Variants in SCN8A observed in about 807,000 individuals in gnomAD.
SCN8A encodes sodium channel protein type 8 subunit alpha.
SCN8A carries 30 observed loss-of-function variants against 184.1 expected under a neutral mutation model. That is an observed-to-expected ratio of 0.16 (90% CI 0.12 to 0.22). The LOEUF is 0.22. Ranked by LOEUF, SCN8A falls within the 10% of genes least tolerant of loss-of-function variation. The pLI is 1.00. For missense variants in SCN8A, 1,057 were observed against 2,498.9 expected, an observed-to-expected ratio of 0.42 and a Z score of 12.30; for synonymous variants, 852 against 907.0, an observed-to-expected ratio of 0.94 and a Z score of 1.09.
chr12:51,786,121 T>C (rs561658138), intron 21 of SCN8A, among the ~76,000 whole-genome samples: 1 of 152,326 alleles, frequency 6.6e-6, no homozygotes, highest in African/African-American at 2.4e-5. Flanking sequence ...TCTCTGTGAT[T>C]TTGAACAATT....
At chr12:51,598,741 A>G (rs1939400327) in intron 1 of SCN8A, among the ~76,000 whole-genome samples, 1 of 152,100 alleles carries the variant, frequency 6.6e-6, no homozygotes, top group African/African-American at 2.4e-5. Flanking sequence ...TACTGTTACT[A>G]ATTTCTCTTG....
chr12:51,721,853 T>TGGTGTCCCTCATCGGCGGCCCCGGC lies in SCN8A; in HGVS notation c.1944_1968dup (p.Ser657GlyfsTer22). The TGGTGTCCCTCATCGGCGGCCCCGGC allele has an allele frequency of 6.2e-7, 1 of 1,603,880 alleles. No individual in the cohort carries two copies. The highest frequency in any genetic ancestry group is 8.5e-7 in the Non-Finnish European group (1 of 1,179,810). ...AACAGCACGGTGGACTGCAACGGCG[T>TGGTGTCCCTCATCGGCGGCCCCGGC]GGTGTCCCTCATCGGCGGCCCCGGC... On this transcript the variant is annotated frameshift_variant, in exon 12 of 27. Transcript: ENST00000627620. LOFTEE classifies it high-confidence loss of function.
intron 21 of SCN8A, among the ~76,000 whole-genome samples, chr12:51,782,827 T>A: frequency 6.6e-6 from 1 of 152,218 alleles, no homozygotes; most frequent in East Asian, 1.9e-4. Flanking sequence ...GTACCTTTCC[T>A]GGACCCTCAG....
rs780849012 is a variant in SCN8A at position 51,699,821 on chromosome 12, A to G, written c.928+30A>G. 8 of 1,565,594 alleles carry G rather than the reference A, an allele frequency of 5.1e-6. No individual in the cohort carries two copies. In the African/African-American group the frequency reaches 5.4e-5, roughly 11 times the overall value. On this transcript the variant is annotated intron_variant, in intron 7 of 26. Coordinates refer to ENST00000627620, the MANE Select transcript of SCN8A (RefSeq NM_001330260.2). The stretch of plus-strand genomic sequence containing the variant: ...GTGGCCTCTTCTCTGCAAGAGGAAT[A>G]GGAAAAGTCTATTCCTAGTTCACAT...
chr12:51,636,712 A>G (rs904661010), intron 1 of SCN8A, among the ~76,000 whole-genome samples: 1 of 152,212 alleles, frequency 6.6e-6, no homozygotes, highest in Non-Finnish European at 1.5e-5. Context: ...CATTTATGCC[A>G]CAAACAACTA....
chr12:51,667,550 T>C (rs1941056163), intron 2 of SCN8A, among the ~76,000 whole-genome samples: 1 of 151,994 alleles, frequency 6.6e-6, no homozygotes, highest in Admixed American at 6.5e-5. Flanking sequence ...TTAAAAGTTT[T>C]TCTTGTTTAG....
At position 51,661,061 on chromosome 12, in the gene SCN8A, G is replaced by A. The variant is rs148605851; in HGVS notation, c.-54-1703G>A. Among the ~76,000 whole-genome samples the A allele has an allele frequency of 8.1e-4, 124 of 152,216 alleles. No homozygotes were observed. The Middle Eastern group carries it at 0.02, about 25-fold the overall frequency. On this transcript the variant is annotated intron_variant, in intron 1 of 26. Transcript: ENST00000627620. The stretch of plus-strand genomic sequence containing the variant: ...GGAGTAGTGGGACATAGCAAAGGAG[G>A]ATAAATAACTGATATTTATTATAAT...
chr12:51,764,781 T>C (rs1320770131), intron 15 of SCN8A, among the ~76,000 whole-genome samples: 1 of 151,698 alleles, frequency 6.6e-6, no homozygotes, highest in Non-Finnish European at 1.5e-5. Context: ...CTTTTCTTTT[T>C]TTTTTTTTTC....
At chr12:51,654,289 C>A (rs1940777707) in intron 1 of SCN8A, among the ~76,000 whole-genome samples, 1 of 152,052 alleles carries the variant, frequency 6.6e-6, no homozygotes, top group Non-Finnish European at 1.5e-5. Context: ...TGAAGCTTTT[C>A]CTCTATATTT....
At chr12:51,771,663 G>A (rs1371130876) in intron 19 of SCN8A, among the ~76,000 whole-genome samples, 2 of 152,110 alleles carry the variant, frequency 1.3e-5, no homozygotes, top group African/African-American at 4.8e-5. Flanking sequence ...AAAGTAGGAG[G>A]CAAAAAAGAT....
chr12:51,687,798 T>G (rs567096918), intron 5 of SCN8A, among the ~76,000 whole-genome samples: 38 of 152,320 alleles, frequency 2.5e-4, no homozygotes, highest in Non-Finnish European at 4.3e-4. Flanking sequence ...CTCATTTGTG[T>G]TGTTTTAGCA....
At chr12:51,755,628 T>G (rs500015) in intron 14 of SCN8A, among the ~76,000 whole-genome samples, 18 of 150,070 alleles carry the variant, frequency 1.2e-4, no homozygotes, top group East Asian at 9.7e-4. Context: ...AATAGAAAAC[T>G]AAAAAAAAAG....
intron 12 of SCN8A, chr12:51,722,119 T>G: frequency 1.4e-6 from 1 of 708,676 alleles, no homozygotes; most frequent in Non-Finnish European, 2.3e-6. Context: ...GTTTTCCCCC[T>G]ATTACTCACC....
At chr12:51,669,293 C>T (rs1002665379) in intron 2 of SCN8A, among the ~76,000 whole-genome samples, 9 of 151,958 alleles carry the variant, frequency 5.9e-5, no homozygotes, top group Admixed American at 2.0e-4. Flanking sequence ...GTTTTAGTTC[C>T]GGCTTTGCTT....
At chr12:51,700,778 A>G (rs1941674314) in intron 7 of SCN8A, among the ~76,000 whole-genome samples, 2 of 152,248 alleles carry the variant, frequency 1.3e-5, no homozygotes. Context: ...TATCTTTGAT[A>G]AAGACACGTT....
In SCN8A at chr12:51,732,484, A is replaced by G. The variant is rs146240009; in HGVS notation, c.1998+10576A>G. On this transcript the variant is annotated intron_variant, in intron 12 of 26. Coordinates refer to ENST00000627620, the MANE Select transcript of SCN8A (RefSeq NM_001330260.2). ...TCTGGTTACTATAGCTCCGTTGTAT[A>G]ATTTAAAATCAAGTAATGTGATTCC... is the stretch of plus-strand genomic sequence containing the variant. 6.2e-3 allele frequency among the ~76,000 whole-genome samples: 948 copies of G among 152,254 alleles called. 8 individuals are homozygous for G. The highest frequency in any genetic ancestry group is 0.02 in the African/African-American group (818 of 41,534).
intron 1 of SCN8A, 42 bp from the exon 2 acceptor site, chr12:51,662,722 G>A: frequency 1.6e-6 from 2 of 1,234,734 alleles, no homozygotes; most frequent in Non-Finnish European, 1.1e-6. Context: ...TCTTTTTAGA[G>A]CAGTGATTGA....
At chr12:51,592,732 GT>G (rs1939256036) in intron 1 of SCN8A, among the ~76,000 whole-genome samples, 1 of 151,954 alleles carries the variant, frequency 6.6e-6, no homozygotes, top group Admixed American at 6.6e-5. Flanking sequence ...GGCCATGGGG[GT>G]AAAGGGGGAG....
chr12:51,729,885 GC>G (rs1424608530), intron 12 of SCN8A, among the ~76,000 whole-genome samples: 7 of 152,102 alleles, frequency 4.6e-5, no homozygotes, highest in African/African-American at 1.7e-4. Flanking sequence ...GTTTTATTGT[GC>G]CATTAATTTG....
Sources: allele counts gnomAD v4.1 joint callset (sites outside exome capture counted in the v4.1 genomes callset), GRCh38; gene constraint gnomAD v4.1.1; transcripts MANE v1.5; gene names NCBI Gene and HGNC (gene_info 2026-07-23, HGNC 2026-07-21).